Variants in TNS1 observed in about 807,000 individuals in gnomAD.
TNS1 encodes the protein tensin-1.
TNS1 carries 62 observed loss-of-function variants against 168.6 expected under a neutral mutation model. That is an observed-to-expected ratio of 0.37 (90% CI 0.30 to 0.45). TNS1 has a LOEUF of 0.45. Among genes scored for constraint, TNS1 ranks in the 20% least tolerant of loss-of-function variants. TNS1 has a pLI of 1.00. For synonymous variants in TNS1, 934 were observed against 933.2 expected (o/e 1.00, Z -0.02); for missense variants, 2,240 against 2,339.4 (o/e 0.96, Z 0.88).
chr2:217,890,758 A>G (rs1951663305), intron 12 of TNS1: 3 of 604,798 alleles, frequency 5.0e-6, no homozygotes, highest in African/African-American at 1.9e-5. Context: ...TGCTGTGCCA[A>G]TCTGCGGGCA....
intron 2 of TNS1, among the ~76,000 whole-genome samples, chr2:217,983,305 C>T (rs762596181): frequency 4.6e-5 from 7 of 152,274 alleles, no homozygotes; most frequent in Non-Finnish European, 2.9e-5. Flanking sequence ...CTCCCAGCTA[C>T]TACAGAAGGC....
intron 18 of TNS1, among the ~76,000 whole-genome samples, chr2:217,854,575 G>T (rs372731540): frequency 2.6e-5 from 4 of 152,310 alleles, no homozygotes; most frequent in African/African-American, 9.6e-5. Context: ...CCAGACATAG[G>T]CTGTTTGGAG....
At chr2:217,854,996 G>A (rs1236932348) in intron 18 of TNS1, among the ~76,000 whole-genome samples, 1 of 152,228 alleles carries the variant, frequency 6.6e-6, no homozygotes, top group Non-Finnish European at 1.5e-5. Context: ...ATTCGAGAGT[G>A]TGTGTGCAGC....
At chr2:217,845,903 C>T (rs1469829190) in intron 19 of TNS1, among the ~76,000 whole-genome samples, 1 of 152,254 alleles carries the variant, frequency 6.6e-6, no homozygotes, top group Admixed American at 6.5e-5. Flanking sequence ...CCTCATTAGA[C>T]TAGCGTGTCA....
chr2:218,023,024 G>A (rs1021133194), intron 1 of TNS1, among the ~76,000 whole-genome samples: 6 of 152,198 alleles, frequency 3.9e-5, no homozygotes, highest in Non-Finnish European at 7.3e-5. Context: ...GTGGCCTCAC[G>A]TCTGGCTGGA....
intron 6 of TNS1, among the ~76,000 whole-genome samples, chr2:217,901,432 G>A (rs1187067644): frequency 6.6e-6 from 1 of 152,134 alleles, no homozygotes; most frequent in African/African-American, 2.4e-5. Context: ...TTTGTATCAA[G>A]AAAAATGAAA....
At chr2:217,814,883 T>A in intron 25 of TNS1, 29 bp downstream of exon 25, 1 of 1,595,570 alleles carries the variant, frequency 6.3e-7, no homozygotes. Flanking sequence ...AGCTATGGCC[T>A]CTGATGCACC....
At chr2:217,909,571 C>CCACACACACACACACACA (rs3054350) in intron 4 of TNS1, among the ~76,000 whole-genome samples, 3 of 147,296 alleles carry the variant, frequency 2.0e-5, no homozygotes, top group African/African-American at 7.6e-5. Flanking sequence ...GCCTGGGTGC[C>CCACACACACACACACACA]CACACACACA....
Position 217,818,184 on chromosome 2 carries a change from T to A in TNS1, c.4148A>T (p.His1383Leu). 6.2e-7 allele frequency: 1 copy of A among 1,613,570 alleles called. No individual in the cohort carries two copies. The change falls in exon 24 of 33, where the codon CAC becomes CTC. Residue 1383 changes from histidine to leucine, a missense_variant. His to Leu is a moderately conservative substitution (Grantham distance 99). Coordinates refer to ENST00000682258, the MANE Select transcript of TNS1 (RefSeq NM_001387777.1). ...AAGACCGGAGGCCAGGTTGCCTTGG[T>A]GAGCCCCAGGGTGCCGGCCCAGGCT... ...SPSLGRHPGAHQGNLASGLHS... is the reference protein window; with the variant it reads ...SPSLGRHPGALQGNLASGLHS...
intron 18 of TNS1, among the ~76,000 whole-genome samples, chr2:217,876,701 C>G (rs1950233801): frequency 6.6e-6 from 1 of 152,038 alleles, no homozygotes; most frequent in African/African-American, 2.4e-5. Context: ...GAAAAGAGAT[C>G]ATTAGGGTGA....
chr2:217,956,537 G>A (rs1384913488), intron 3 of TNS1, among the ~76,000 whole-genome samples: 1 of 152,188 alleles, frequency 6.6e-6, no homozygotes, highest in Non-Finnish European at 1.5e-5. Context: ...GGAAAGTCCT[G>A]TGGGATCCTG....
intron 31 of TNS1, among the ~76,000 whole-genome samples, chr2:217,808,371 T>C (rs1158278837): frequency 1.3e-5 from 2 of 152,142 alleles, no homozygotes; most frequent in African/African-American, 2.4e-5. Flanking sequence ...GGTCAGGGCA[T>C]GGCAGAGGGG....
upstream of TNS1, among the ~76,000 whole-genome samples, chr2:218,006,931 C>T (rs1201733006): frequency 6.6e-6 from 1 of 152,110 alleles, no homozygotes; most frequent in Non-Finnish European, 1.5e-5. Flanking sequence ...AGCCACACTG[C>T]GTCAAGAAAG....
Position 217,897,842 on chromosome 2 carries a change from C to T in TNS1, c.499G>A (p.Glu167Lys). 6.2e-7 allele frequency: 1 copy of T among 1,612,722 alleles called. No homozygotes were observed. The highest frequency in any genetic ancestry group is 8.5e-7 in the Non-Finnish European group (1 of 1,179,298). ...TTGGACTTGAGCATCTGCGCCACCT[C>T]ACGGAGGTTGCTCCGGAAGTTCTCC... ...NEENFRSNLR[E>K]VAQMLKSKHG... is the part of the protein sequence containing the mutation. The change falls in exon 8 of 33, where the codon GAG (glutamate) becomes AAG (lysine). Residue 167 changes from glutamate (E) to lysine (K), a missense_variant. Glu to Lys is a moderately conservative substitution (Grantham distance 56). Coordinates refer to ENST00000682258, the MANE Select transcript of TNS1 (RefSeq NM_001387777.1).
At chr2:217,868,261 T>C (rs1176032280) in intron 18 of TNS1, among the ~76,000 whole-genome samples, 1 of 152,236 alleles carries the variant, frequency 6.6e-6, no homozygotes, top group Non-Finnish European at 1.5e-5. Context: ...TGCATGCTGA[T>C]GTGTTTTCTC....
chr2:218,010,005 A>C, intron 1 of TNS1: 1 of 356,426 alleles, frequency 2.8e-6, no homozygotes, highest in Non-Finnish European at 4.9e-6. Flanking sequence ...GTAGTAAGTC[A>C]GATCGAATGC....
chr2:217,905,433 G>C, intron 6 of TNS1: 1 of 427,116 alleles, frequency 2.3e-6, no homozygotes, highest in South Asian at 1.7e-5. Flanking sequence ...GGTGGTGGCA[G>C]TGGGCTCACC....
At chr2:217,903,553 AC>A in intron 6 of TNS1, 3 of 1,526,948 alleles carry the variant, frequency 2.0e-6, no homozygotes, top group Middle Eastern at 1.7e-4. Flanking sequence ...TGATTACAGA[AC>A]TTTTCATCCA....
intron 6 of TNS1, chr2:217,903,861 A>G (rs879914078): frequency 2.1e-6 from 1 of 480,920 alleles, no homozygotes; most frequent in East Asian, 3.3e-5. Flanking sequence ...CTTCCCCGTC[A>G]TGAGGCAAGG....
Sources: gnomAD v4.1 joint callset for allele counts (sites outside exome capture counted in the v4.1 genomes callset) on GRCh38, gnomAD v4.1.1 for gene constraint, MANE v1.5 for transcripts, NCBI Gene and HGNC (gene_info 2026-07-23, HGNC 2026-07-21) for gene names.